GRIN2A: variants seen among roughly 807,000 people sequenced by gnomAD.
GRIN2A encodes glutamate receptor ionotropic, NMDA 2A.
Under a neutral mutation model 113.4 loss-of-function variants are expected in GRIN2A, and 22 were observed. The ratio of observed to expected loss-of-function variants is 0.19; its 90% CI spans 0.14 to 0.28. The LOEUF (loss-of-function observed/expected upper bound fraction) is 0.28. GRIN2A is among the 10% of genes least tolerant of loss of function. The pLI, the probability that GRIN2A is intolerant of heterozygous loss-of-function variation, is 1.00. For synonymous variants in GRIN2A, 827 were observed against 738.4 expected (o/e 1.12, Z -1.94); for missense variants, 1,502 against 1,887.0 (o/e 0.80, Z 3.78).
At chr16:9,793,852 A>G (rs1455998577) in intron 11 of GRIN2A, among the ~76,000 whole-genome samples, 1 of 152,158 alleles carries the variant, frequency 6.6e-6, no homozygotes, top group African/African-American at 2.4e-5. Context: ...CACGTGTGAT[A>G]TAAATTTATA....
At chr16:10,091,811 G>A (rs1043147878) in intron 2 of GRIN2A, among the ~76,000 whole-genome samples, 1 of 152,140 alleles carries the variant, frequency 6.6e-6, no homozygotes, top group East Asian at 1.9e-4. Flanking sequence ...TAAATTTCCA[G>A]AAAAGGAAAA....
intron 2 of GRIN2A, among the ~76,000 whole-genome samples, chr16:10,109,491 C>T (rs1039645995): frequency 1.3e-4 from 20 of 152,200 alleles, no homozygotes; most frequent in Middle Eastern, 6.8e-3. Context: ...CAACCTTCCT[C>T]GCAAACATAC....
At chr16:10,016,264 T>C (rs1433362527) in intron 2 of GRIN2A, among the ~76,000 whole-genome samples, 3 of 152,144 alleles carry the variant, frequency 2.0e-5, no homozygotes, top group Admixed American at 2.0e-4. Context: ...ACACTTTGGA[T>C]ACCTGAGCGT....
At chr16:10,120,936 T>C (rs72776036) in intron 2 of GRIN2A, among the ~76,000 whole-genome samples, 10,905 of 152,162 alleles carry the variant, frequency 0.072, 540 homozygotes, top group Non-Finnish European at 0.11. Context: ...CTTCAGCTCA[T>C]TGTGGCATCT....
At chr16:10,059,375 C>T (rs2047511139) in intron 2 of GRIN2A, among the ~76,000 whole-genome samples, 1 of 147,968 alleles carries the variant, frequency 6.8e-6, no homozygotes, top group Non-Finnish European at 1.5e-5. Context: ...CCATTGCATT[C>T]ATCCAAGTAA....
intron 10 of GRIN2A, among the ~76,000 whole-genome samples, chr16:9,808,486 A>G (rs1194989338): frequency 6.6e-6 from 1 of 152,172 alleles, no homozygotes; most frequent in Non-Finnish European, 1.5e-5. Context: ...GAGATTCCGA[A>G]AAACATCGAG....
At chr16:9,993,010 G>T (rs2046151136) in intron 2 of GRIN2A, among the ~76,000 whole-genome samples, 1 of 151,954 alleles carries the variant, frequency 6.6e-6, no homozygotes, top group Non-Finnish European at 1.5e-5. Context: ...GAGGTCAGGA[G>T]TTCAAGACCA....
At position 10,101,880 on chromosome 16, in the gene GRIN2A, C is replaced by A. The variant is rs184689644; in HGVS notation, c.414+78118G>T. Among the ~76,000 whole-genome samples the A allele has an allele frequency of 5.3e-5, 8 of 152,250 alleles. No homozygotes were observed. In the East Asian group the frequency reaches 1.2e-3, roughly 22 times the overall value. On this transcript the variant is annotated intron_variant, in intron 2 of 12. Transcript: ENST00000330684. The stretch of plus-strand genomic sequence containing the variant: ...GATATTTTGGCAGGTTTGGGAAAAT[C>A]TATTCAAAGTTTAGTTTAGTCTCAA...
At chr16:9,776,531 C>T (rs1039517101) in intron 11 of GRIN2A, among the ~76,000 whole-genome samples, 1 of 151,890 alleles carries the variant, frequency 6.6e-6, no homozygotes, top group African/African-American at 2.4e-5. Context: ...TTGAGAAGCC[C>T]CAGGCAAAGG....
intron 2 of GRIN2A, among the ~76,000 whole-genome samples, chr16:10,144,764 T>A (rs915622333): frequency 6.6e-5 from 10 of 150,984 alleles, no homozygotes; most frequent in African/African-American, 1.9e-4. Context: ...CTACTAAAAG[T>A]GCAAAAATGA....
intron 2 of GRIN2A, among the ~76,000 whole-genome samples, chr16:9,941,968 C>A (rs2044890649): frequency 1.3e-5 from 2 of 152,262 alleles, no homozygotes; most frequent in Middle Eastern, 3.4e-3. Flanking sequence ...CGAGTTTTTA[C>A]CTCTGCACTC....
intron 2 of GRIN2A, among the ~76,000 whole-genome samples, chr16:9,968,296 G>GTATA (rs1381669163): frequency 1.3e-5 from 2 of 149,628 alleles, no homozygotes; most frequent in African/African-American, 2.5e-5. Flanking sequence ...ATGTATGTAT[G>GTATA]TATGTATGTA....
At chr16:9,954,972 G>A (rs1391802424) in intron 2 of GRIN2A, among the ~76,000 whole-genome samples, 1 of 152,184 alleles carries the variant, frequency 6.6e-6, no homozygotes, top group South Asian at 2.1e-4. Context: ...TGACTGTGAT[G>A]ATGTGGTTTC....
intron 2 of GRIN2A, among the ~76,000 whole-genome samples, chr16:10,060,424 G>C (rs895535663): frequency 3.3e-5 from 5 of 152,190 alleles, no homozygotes; most frequent in Admixed American, 3.3e-4. Context: ...GCAAGATTCA[G>C]AAACCTACTT....
intron 11 of GRIN2A, among the ~76,000 whole-genome samples, chr16:9,797,459 A>T (rs963184039): frequency 6.6e-6 from 1 of 152,198 alleles, no homozygotes; most frequent in Non-Finnish European, 1.5e-5. Context: ...AGACAGGAGG[A>T]AATGCTTCTG....
At position 9,798,347 on chromosome 16, in the gene GRIN2A, T is replaced by A. The variant is rs1903130401; in HGVS notation, c.2286A>T (p.Gly762=). 1.9e-6 allele frequency: 3 copies of A among 1,614,028 alleles called. No individual in the cohort carries two copies. The highest frequency in any genetic ancestry group is 1.7e-6 in the Non-Finnish European group (2 of 1,179,964). ...SGYIFATTGY[G]IALQKGSPWK... ...AAGGAGAGCCTTTCTGAAGGGCAAT[T>A]CCATAACCGGTGGTGGCAAAGATGT... Residue 762 remains glycine, a synonymous_variant, in exon 11 of 13, where the codon GGA becomes GGT. Coordinates refer to ENST00000330684, the MANE Select transcript of GRIN2A (RefSeq NM_001134407.3).
At position 10,180,470 on chromosome 16, in the gene GRIN2A, G is replaced by C. The variant is rs528012723; in HGVS notation, c.-18-41C>G. 3.8e-6 allele frequency: 6 copies of C among 1,566,552 alleles called. 1 individual carries two copies. Among genetic ancestry groups the C allele is most frequent in the Non-Finnish European group, 5.2e-6 (6 of 1,162,400 alleles). On this transcript the variant is annotated intron_variant, in intron 1 of 12. Transcript: ENST00000330684. This position sits in a 1 kb window ranked among gnomAD's most constrained non-coding sequence, Gnocchi z 7.0. The stretch of plus-strand genomic sequence containing the variant: ...TGAGAGGCAGGGCCGCGGTGAGCAA[G>C]GCGACCAGAAGAAAGGGATTACCAA...
intron 2 of GRIN2A, among the ~76,000 whole-genome samples, chr16:10,063,017 A>G (rs2047576376): frequency 6.6e-6 from 1 of 152,212 alleles, no homozygotes; most frequent in African/African-American, 2.4e-5. Context: ...AATTTGGCAC[A>G]TATATACCAT....
At chr16:10,174,085 T>C (rs1173472305) in intron 2 of GRIN2A, among the ~76,000 whole-genome samples, 2 of 152,040 alleles carry the variant, frequency 1.3e-5, no homozygotes, top group Admixed American at 1.3e-4. Context: ...AGCCACATAA[T>C]CCATGGAGGA....
Sources: allele counts gnomAD v4.1 joint callset (sites outside exome capture counted in the v4.1 genomes callset), GRCh38; gene constraint gnomAD v4.1.1; non-coding constraint Gnocchi (gnomAD v3.1); transcripts MANE v1.5; gene names NCBI Gene and HGNC (gene_info 2026-07-23, HGNC 2026-07-21).